Variants in EFCAB13 observed in about 807,000 individuals in gnomAD.
EFCAB13 encodes EF-hand calcium binding domain 13.
A neutral mutation model predicts 110.2 loss-of-function variants in EFCAB13; 91 were observed. The observed-to-expected ratio is 0.83, with a 90% CI of 0.70 to 0.98. The LOEUF (loss-of-function observed/expected upper bound fraction) is 0.98. Among genes scored for constraint, EFCAB13 ranks in the 50% least tolerant of loss-of-function variants. The pLI, the probability that EFCAB13 is intolerant of heterozygous loss-of-function variation, is 0.00. For missense variants in EFCAB13, 968 were observed against 1,119.4 expected, an observed-to-expected ratio of 0.86 and a Z score of 1.93; for synonymous variants, 323 against 369.9, an observed-to-expected ratio of 0.87 and a Z score of 1.45.
chr17:47,427,513 C>CT (rs1015182515), intron 23 of EFCAB13, among the ~76,000 whole-genome samples: 2 of 151,894 alleles, frequency 1.3e-5, no homozygotes, highest in Admixed American at 6.6e-5. Flanking sequence ...GCGTTAATTC[C>CT]TTTTTTTAAA....
chr17:47,324,764 G>A (rs767866872), intron 2 of EFCAB13, among the ~76,000 whole-genome samples: 1 of 151,662 alleles, frequency 6.6e-6, no homozygotes, highest in Non-Finnish European at 1.5e-5. Flanking sequence ...CAGTGAAGAC[G>A]CCTTTGTTTT....
At chr17:47,427,341 G>T (rs1904994921) in intron 23 of EFCAB13, among the ~76,000 whole-genome samples, 1 of 151,994 alleles carries the variant, frequency 6.6e-6, no homozygotes, top group South Asian at 2.1e-4. Flanking sequence ...GGTGATACTG[G>T]AAAAATAATT....
chr17:47,368,452 G>C (rs2065561684), intron 10 of EFCAB13, among the ~76,000 whole-genome samples: 1 of 152,222 alleles, frequency 6.6e-6, no homozygotes, highest in Non-Finnish European at 1.5e-5. Flanking sequence ...TACAGAACTG[G>C]TTGGAGTGGT....
chr17:47,433,483 T>C (rs183261416), intron 24 of EFCAB13, among the ~76,000 whole-genome samples: 1 of 152,284 alleles, frequency 6.6e-6, no homozygotes, highest in African/African-American at 2.4e-5. Context: ...TTTGGGGACG[T>C]GTGTTAAAAT....
intron 17 of EFCAB13, among the ~76,000 whole-genome samples, chr17:47,397,145 G>A (rs543178495): frequency 6.7e-6 from 1 of 150,140 alleles, no homozygotes; most frequent in African/African-American, 2.4e-5. Flanking sequence ...CCAAGTGCCT[G>A]CAATTGCAGG....
intron 24 of EFCAB13, among the ~76,000 whole-genome samples, chr17:47,439,181 T>TG (rs1905268856): frequency 7.8e-6 from 1 of 127,804 alleles, no homozygotes; most frequent in African/African-American, 2.8e-5. Flanking sequence ...GTTTTTTTTT[T>TG]TTTTTTTTTT....
At chr17:47,396,904 T>A (rs2143426054) in intron 17 of EFCAB13, among the ~76,000 whole-genome samples, 1 of 152,324 alleles carries the variant, frequency 6.6e-6, no homozygotes, top group South Asian at 2.1e-4. Flanking sequence ...GTTCTTTTGT[T>A]AAAGTTAATG....
At chr17:47,353,076 T>C (rs1455803251) in intron 9 of EFCAB13, among the ~76,000 whole-genome samples, 1 of 152,152 alleles carries the variant, frequency 6.6e-6, no homozygotes, top group African/African-American at 2.4e-5. Flanking sequence ...TACTTTTTTT[T>C]CTCTTGCCTG....
Position 47,367,152 on chromosome 17 carries a change from A to G in EFCAB13, c.806-3285A>G, listed in dbSNP as rs146677343. 6.7e-4 allele frequency among the ~76,000 whole-genome samples: 102 copies of G among 152,336 alleles called. 1 individual carries two copies. Among genetic ancestry groups the G allele is most frequent in the African/African-American group, 2.4e-3 (100 of 41,574 alleles). On this transcript the variant is annotated intron_variant, in intron 10 of 24. Coordinates refer to ENST00000331493, the MANE Select transcript of EFCAB13 (RefSeq NM_152347.5). ...AAAACCAGAATGAGGATAAATACCAAGGAAATAAGAAACCAAAATGTAGGA... is the reference window on the plus strand; with the variant it reads ...AAAACCAGAATGAGGATAAATACCAGGGAAATAAGAAACCAAAATGTAGGA...
intron 17 of EFCAB13, among the ~76,000 whole-genome samples, chr17:47,397,858 T>C (rs1188662914): frequency 3.5e-5 from 5 of 142,594 alleles, no homozygotes; most frequent in Non-Finnish European, 7.7e-5. Context: ...CACCCGGCAG[T>C]CACCCCGTCT....
intron 23 of EFCAB13, among the ~76,000 whole-genome samples, chr17:47,424,111 T>C (rs1904836476): frequency 2.0e-5 from 3 of 152,174 alleles, no homozygotes. Flanking sequence ...GTGCACAGCG[T>C]GGCTGCCAGG....
intron 21 of EFCAB13, 39 bp downstream of exon 21, chr17:47,409,730 TA>T (rs2065824072): frequency 6.8e-7 from 1 of 1,463,144 alleles, no homozygotes; most frequent in Admixed American, 1.7e-5. Flanking sequence ...TTTTCAATAA[TA>T]AGAGATATTT....
At chr17:47,420,566 C>G (rs549352414) in intron 23 of EFCAB13, among the ~76,000 whole-genome samples, 2 of 151,796 alleles carry the variant, frequency 1.3e-5, no homozygotes, top group African/African-American at 2.4e-5. Flanking sequence ...GGCCGCCCAT[C>G]GTCTGAGATG....
chr17:47,384,213 T>C (rs1266985799), intron 14 of EFCAB13, among the ~76,000 whole-genome samples: 1 of 151,830 alleles, frequency 6.6e-6, no homozygotes, highest in Non-Finnish European at 1.5e-5. Flanking sequence ...TCCCTTTATT[T>C]TGAGCCTATG....
At chr17:47,362,069 G>A (rs1249026576) in intron 10 of EFCAB13, among the ~76,000 whole-genome samples, 2 of 151,894 alleles carry the variant, frequency 1.3e-5, no homozygotes, top group Non-Finnish European at 2.9e-5. Context: ...TTATTATTGT[G>A]GGCGGCAAGC....
chr17:47,387,372 C>G (rs977099111), intron 14 of EFCAB13, among the ~76,000 whole-genome samples: 1 of 152,126 alleles, frequency 6.6e-6, no homozygotes, highest in African/African-American at 2.4e-5. Context: ...GATTTTCTTT[C>G]TGGATCATCT....
At chr17:47,352,918 G>A (rs2065461258) in intron 9 of EFCAB13, among the ~76,000 whole-genome samples, 1 of 152,110 alleles carries the variant, frequency 6.6e-6, no homozygotes, top group African/African-American at 2.4e-5. Context: ...ATTTTTGTAT[G>A]TTGATTTTAT....
rs2065685824 is a variant in EFCAB13, at chr17:47,387,992, C to G, written c.1583-3445C>G. 3.3e-5 allele frequency among the ~76,000 whole-genome samples: 5 copies of G among 152,186 alleles called. No individual in the cohort carries two copies. In the South Asian group the frequency reaches 1.0e-3, roughly 31 times the overall value. On this transcript the variant is annotated intron_variant, in intron 14 of 24. Transcript: ENST00000331493. ...TACTCTAGCTGTGTGGGAAGGCTGT[C>G]TATAGGTTCATGCTGAGTGGAGCCA... is the stretch of plus-strand genomic sequence containing the variant.
chr17:47,395,756 G>T, intron 16 of EFCAB13, 78 bp from the exon 17 acceptor site: 1 of 1,259,170 alleles, frequency 7.9e-7, no homozygotes, highest in South Asian at 2.5e-5. Flanking sequence ...CTTAATTTTT[G>T]TCTATTCCAG....
Sources: allele counts gnomAD v4.1 joint callset (sites outside exome capture counted in the v4.1 genomes callset), GRCh38; gene constraint gnomAD v4.1.1; transcripts MANE v1.5; gene names NCBI Gene and HGNC (gene_info 2026-07-23, HGNC 2026-07-21).